Variants in ZMAT4 observed in about 807,000 individuals in gnomAD.
ZMAT4 encodes zinc finger matrin-type 4.
A neutral mutation model predicts 28.7 loss-of-function variants in ZMAT4; 17 were observed. The observed-to-expected ratio is 0.59, with a 90% CI of 0.41 to 0.89. The LOEUF (loss-of-function observed/expected upper bound fraction) is 0.89. Among genes scored for constraint, ZMAT4 ranks in the 40% least tolerant of loss-of-function variants. ZMAT4 has a pLI of 0.00. For synonymous variants in ZMAT4, 117 were observed against 109.2 expected, an observed-to-expected ratio of 1.07 and a Z score of -0.44; for missense variants, 240 against 283.8, an observed-to-expected ratio of 0.85 and a Z score of 1.11.
At chr8:40,793,306 A>G (rs1814443371) in intron 2 of ZMAT4, among the ~76,000 whole-genome samples, 1 of 152,216 alleles carries the variant, frequency 6.6e-6, no homozygotes, top group South Asian at 2.1e-4. Flanking sequence ...ACAAAACCCT[A>G]CTTTGCCTTT....
At chr8:40,543,724 C>T (rs545669205) in intron 6 of ZMAT4, among the ~76,000 whole-genome samples, 49 of 152,180 alleles carry the variant, frequency 3.2e-4, no homozygotes, top group African/African-American at 8.7e-4. Flanking sequence ...GTAAAGTAGT[C>T]GTAAAGCTAT....
intron 3 of ZMAT4, among the ~76,000 whole-genome samples, chr8:40,717,672 CA>C (rs1256261303): frequency 6.6e-6 from 1 of 151,262 alleles, no homozygotes; most frequent in Non-Finnish European, 1.5e-5. Context: ...AAAAAGCAAA[CA>C]AAAAAATTAA....
chr8:40,547,072 G>A (rs1803225868), intron 6 of ZMAT4, among the ~76,000 whole-genome samples: 1 of 152,118 alleles, frequency 6.6e-6, no homozygotes, highest in Admixed American at 6.6e-5. Context: ...TCCCATTTCG[G>A]AATGGCAAAG....
chr8:40,722,968 C>T (rs1811165891), intron 3 of ZMAT4, among the ~76,000 whole-genome samples: 1 of 152,166 alleles, frequency 6.6e-6, no homozygotes, highest in Non-Finnish European at 1.5e-5. Context: ...AGGCCCCTAC[C>T]CACTGGGACC....
intron 3 of ZMAT4, among the ~76,000 whole-genome samples, chr8:40,747,030 T>C (rs1286866464): frequency 6.6e-6 from 1 of 152,186 alleles, no homozygotes; most frequent in East Asian, 1.9e-4. Flanking sequence ...ATAGCACTTA[T>C]GAGAGCTGCC....
At chr8:40,730,468 G>T (rs781276436) in intron 3 of ZMAT4, among the ~76,000 whole-genome samples, 1 of 152,180 alleles carries the variant, frequency 6.6e-6, no homozygotes, top group Non-Finnish European at 1.5e-5. Flanking sequence ...GCATGAATGT[G>T]CCATCCTATG....
intron 6 of ZMAT4, among the ~76,000 whole-genome samples, chr8:40,547,177 CCA>C (rs1803229549): frequency 6.6e-6 from 1 of 152,182 alleles, no homozygotes; most frequent in Admixed American, 6.6e-5. Context: ...ACCAGTTTTC[CCA>C]CAGTCTGTGT....
chr8:40,871,921 G>C (rs1268500082), intron 1 of ZMAT4, among the ~76,000 whole-genome samples: 2 of 152,214 alleles, frequency 1.3e-5, no homozygotes, highest in Non-Finnish European at 2.9e-5. Flanking sequence ...TTTCAGCTCA[G>C]ATTAAAGCTT....
At chr8:40,782,546 TATCTC>T (rs1232587330) in intron 2 of ZMAT4, among the ~76,000 whole-genome samples, 2 of 152,186 alleles carry the variant, frequency 1.3e-5, no homozygotes, top group African/African-American at 4.8e-5. Context: ...AAAAGACAAA[TATCTC>T]AATTAAAATC....
At chr8:40,714,418 T>C (rs1389856533) in intron 3 of ZMAT4, among the ~76,000 whole-genome samples, 7 of 152,340 alleles carry the variant, frequency 4.6e-5, no homozygotes, top group Non-Finnish European at 1.5e-5. Context: ...GGTATAGTCA[T>C]ATATTGATAC....
intron 3 of ZMAT4, among the ~76,000 whole-genome samples, chr8:40,731,775 C>T (rs375534322): frequency 6.6e-6 from 1 of 152,162 alleles, no homozygotes; most frequent in African/African-American, 2.4e-5. Context: ...CGCACACACA[C>T]GTTCACAGCA....
At chr8:40,709,081 C>G (rs944287617) in intron 3 of ZMAT4, among the ~76,000 whole-genome samples, 1 of 152,154 alleles carries the variant, frequency 6.6e-6, no homozygotes, top group Non-Finnish European at 1.5e-5. Flanking sequence ...TGCAAATGCT[C>G]AAGTCCTTGA....
intron 5 of ZMAT4, among the ~76,000 whole-genome samples, chr8:40,645,080 A>G (rs945169090): frequency 2.6e-5 from 4 of 152,218 alleles, no homozygotes; most frequent in South Asian, 2.1e-4. Flanking sequence ...AAGGACACTC[A>G]GTAAAAATTA....
intron 1 of ZMAT4, among the ~76,000 whole-genome samples, chr8:40,841,193 C>A (rs1816690145): frequency 6.6e-6 from 1 of 152,218 alleles, no homozygotes; most frequent in Non-Finnish European, 1.5e-5. Context: ...GCGGTGAACT[C>A]TCCAAATGAG....
chr8:40,702,246 G>A (rs1265967940), intron 3 of ZMAT4, among the ~76,000 whole-genome samples: 1 of 152,146 alleles, frequency 6.6e-6, no homozygotes, highest in Non-Finnish European at 1.5e-5. Flanking sequence ...AAAAGAATTA[G>A]GACATCACTT....
chr8:40,755,200 G>A (rs1162140376), intron 3 of ZMAT4, among the ~76,000 whole-genome samples: 2 of 152,082 alleles, frequency 1.3e-5, no homozygotes, highest in African/African-American at 4.8e-5. Flanking sequence ...TCTCTCTTAG[G>A]TGAAACTCTA....
chr8:40,880,521 A>C (rs557694820), intron 1 of ZMAT4, among the ~76,000 whole-genome samples: 1 of 152,284 alleles, frequency 6.6e-6, no homozygotes, highest in South Asian at 2.1e-4. Flanking sequence ...ACTCATTTCC[A>C]TTCTAATTAA....
intron 6 of ZMAT4, among the ~76,000 whole-genome samples, chr8:40,539,181 T>G (rs1229023549): frequency 6.6e-6 from 1 of 152,218 alleles, no homozygotes. Flanking sequence ...CAAGGAAGCC[T>G]GGGGACTGTG....
At chr8:40,613,121 C>A (rs1322506983) in intron 5 of ZMAT4, among the ~76,000 whole-genome samples, 1 of 150,888 alleles carries the variant, frequency 6.6e-6, no homozygotes, top group East Asian at 2.0e-4. Flanking sequence ...TCTATCCAGT[C>A]ATTCTCTAAA....
Sources: gnomAD v4.1 joint callset for allele counts (sites outside exome capture counted in the v4.1 genomes callset) on GRCh38, gnomAD v4.1.1 for gene constraint, MANE v1.5 for transcripts, NCBI Gene and HGNC (gene_info 2026-07-23, HGNC 2026-07-21) for gene names.